Variants in TJP1 observed in about 807,000 individuals in gnomAD.
TJP1 encodes the protein tight junction protein 1, also known as tight junction protein ZO-1.
A neutral mutation model predicts 194.2 loss-of-function variants in TJP1; 43 were observed. The ratio of observed to expected loss-of-function variants is 0.22; its 90% confidence interval spans 0.17 to 0.29. The LOEUF (loss-of-function observed/expected upper bound fraction) is 0.29, where lower values mean the gene tolerates loss of function less well. Ranked by LOEUF, TJP1 falls within the 10% of genes least tolerant of loss-of-function variation. The pLI is 1.00. For missense variants in TJP1, 1,971 were observed against 2,185.7 expected (o/e 0.90, Z 1.96); for synonymous variants, 801 against 779.0 (o/e 1.03, Z -0.47).
chr15:29,783,986 A>C (rs1032920329), intron 2 of TJP1, among the ~76,000 whole-genome samples: 1 of 152,222 alleles, frequency 6.6e-6, no homozygotes, highest in African/African-American at 2.4e-5. Context: ...CATTTTTAAA[A>C]AAAAGAACGC....
At chr15:29,896,415 C>A (rs1485271424) in intron 2 of TJP1, among the ~76,000 whole-genome samples, 1 of 152,186 alleles carries the variant, frequency 6.6e-6, no homozygotes, top group Non-Finnish European at 1.5e-5. Context: ...AACTGTCAGT[C>A]CAATAAACCT....
intron 2 of TJP1, among the ~76,000 whole-genome samples, chr15:29,858,868 A>G (rs2051963264): frequency 6.6e-6 from 1 of 151,182 alleles, no homozygotes; most frequent in Non-Finnish European, 1.5e-5. Context: ...TAATTTTTGT[A>G]TATTTTTTGT....
intron 23 of TJP1, among the ~76,000 whole-genome samples, chr15:29,711,970 G>T (rs1299780493): frequency 1.3e-5 from 2 of 152,186 alleles, no homozygotes; most frequent in Non-Finnish European, 2.9e-5. Context: ...TAGAGCAGCA[G>T]ATCCTGCTTT....
At chr15:29,759,858 T>C (rs900603927) in intron 8 of TJP1, 5 of 226,576 alleles carry the variant, frequency 2.2e-5, no homozygotes, top group Admixed American at 1.7e-4. Flanking sequence ...TCTTTATCCA[T>C]TCATGTGTTC....
intron 15 of TJP1, among the ~76,000 whole-genome samples, chr15:29,730,436 A>AATG (rs1485007175): frequency 6.6e-6 from 1 of 151,692 alleles, no homozygotes; most frequent in Non-Finnish European, 1.5e-5. Flanking sequence ...TAATAATAAT[A>AATG]ATAATAATAA....
Position 29,718,674 on chromosome 15 carries a change from C to T in TJP1, c.3468G>A (p.Arg1156=), listed in dbSNP as rs768230569. The T allele has an allele frequency of 1.2e-6, 2 of 1,614,162 alleles. No homozygotes were observed. The highest frequency in any genetic ancestry group is 8.5e-7 in the Non-Finnish European group (1 of 1,180,028). ...YEQAPRASAL[R]HEEQPAPGYD... ...ACCCAGGAGCTGGCTGCTCTTCGTG[C>T]CGCAGGGCGGATGCTCTAGGTGCCT... Residue 1156 remains arginine, a synonymous_variant, in exon 21 of 28, where the codon CGG becomes CGA. Coordinates refer to ENST00000614355, the MANE Select transcript of TJP1 (RefSeq NM_001330239.4).
intron 2 of TJP1, among the ~76,000 whole-genome samples, chr15:29,939,614 C>T (rs928877268): frequency 6.6e-6 from 1 of 152,174 alleles, no homozygotes; most frequent in Non-Finnish European, 1.5e-5. Flanking sequence ...AGCTACACAC[C>T]ATGTGCTATG....
intron 2 of TJP1, among the ~76,000 whole-genome samples, chr15:29,900,324 C>A (rs1389329563): frequency 1.3e-5 from 2 of 152,174 alleles, no homozygotes; most frequent in South Asian, 4.1e-4. Context: ...GATGAAAGGG[C>A]AAGCCAAGTT....
At chr15:29,912,425 TGGGGCC>T in intron 2 of TJP1, among the ~76,000 whole-genome samples, 1 of 152,138 alleles carries the variant, frequency 6.6e-6, no homozygotes, top group Non-Finnish European at 1.5e-5. Context: ...AGAGGTAGCT[TGGGGCC>T]GGGCGTGGTG....
chr15:29,721,400 A>G (rs2042919444), intron 18 of TJP1, among the ~76,000 whole-genome samples: 2 of 152,098 alleles, frequency 1.3e-5, no homozygotes, highest in South Asian at 4.1e-4. Context: ...CTCCTGCTCC[A>G]GCCATATAAG....
At chr15:29,783,411 G>A (rs1017530762) in intron 2 of TJP1, among the ~76,000 whole-genome samples, 3 of 152,216 alleles carry the variant, frequency 2.0e-5, no homozygotes, top group Non-Finnish European at 4.4e-5. Context: ...GGGGAAGGCA[G>A]TATGGCAGTT....
chr15:29,956,941 G>A (rs1020027858), intron 1 of TJP1, among the ~76,000 whole-genome samples: 1 of 152,094 alleles, frequency 6.6e-6, no homozygotes, highest in Non-Finnish European at 1.5e-5. Context: ...AACTATTGAA[G>A]AAGCCATTAA....
intron 27 of TJP1, among the ~76,000 whole-genome samples, chr15:29,703,888 T>C (rs1308466926): frequency 1.3e-5 from 2 of 152,096 alleles, no homozygotes; most frequent in African/African-American, 4.8e-5. Context: ...GGTAATCCAC[T>C]TGCCTCAGCC....
At chr15:29,746,680 A>T (rs147125013) in intron 8 of TJP1, among the ~76,000 whole-genome samples, 1 of 152,040 alleles carries the variant, frequency 6.6e-6, no homozygotes, top group African/African-American at 2.4e-5. Context: ...TATATTTAAA[A>T]TTATTTTTAA....
chr15:29,940,917 A>G (rs1396407054), intron 2 of TJP1, among the ~76,000 whole-genome samples: 2 of 152,036 alleles, frequency 1.3e-5, no homozygotes, highest in South Asian at 2.1e-4. Flanking sequence ...CCATAACCAC[A>G]GCACCCAGAG....
chr15:29,917,764 A>G (rs1290375477), intron 2 of TJP1, among the ~76,000 whole-genome samples: 1 of 152,204 alleles, frequency 6.6e-6, no homozygotes, highest in Non-Finnish European at 1.5e-5. Context: ...CCAGGAAAAG[A>G]GCTGGCTTGC....
At chr15:29,903,133 C>A (rs973724738) in intron 2 of TJP1, among the ~76,000 whole-genome samples, 1 of 152,076 alleles carries the variant, frequency 6.6e-6, no homozygotes, top group African/African-American at 2.4e-5. Flanking sequence ...CCACTTCCCT[C>A]CCCATACATA....
intron 1 of TJP1, among the ~76,000 whole-genome samples, chr15:29,808,962 G>A (rs1271325487): frequency 6.6e-6 from 1 of 152,152 alleles, no homozygotes; most frequent in African/African-American, 2.4e-5. Context: ...CTCTAGATCT[G>A]TGCTATCCAG....
intron 2 of TJP1, among the ~76,000 whole-genome samples, chr15:29,922,665 T>A (rs1459246967): frequency 1.3e-5 from 2 of 152,170 alleles, no homozygotes; most frequent in East Asian, 3.8e-4. Flanking sequence ...AGAGTAACAT[T>A]GAAGGTGGCA....
Sources: gnomAD v4.1 joint callset for allele counts (sites outside exome capture counted in the v4.1 genomes callset) on GRCh38, gnomAD v4.1.1 for gene constraint, MANE v1.5 for transcripts, NCBI Gene and HGNC (gene_info 2026-07-23, HGNC 2026-07-21) for gene names.